The following ZNF540 variants were observed in gnomAD, a reference collection of about 807,000 sequenced individuals.
The protein encoded by ZNF540 is zinc finger protein 540, also known as CTD-3064H18.6.
A neutral mutation model predicts 11.8 loss-of-function variants in ZNF540; 3 were observed. The observed-to-expected ratio is 0.25, with a 90% CI of 0.12 to 0.65. The LOEUF (loss-of-function observed/expected upper bound fraction) is 0.65. Among genes scored for constraint, ZNF540 ranks in the 30% least tolerant of loss-of-function variants. The probability of loss-of-function intolerance (pLI) is 0.83; values close to 1 mark genes in which losing one functional copy is unlikely to be tolerated. For missense variants in ZNF540, 709 were observed against 793.1 expected, an observed-to-expected ratio of 0.89 and a Z score of 1.27; for synonymous variants, 247 against 259.0, an observed-to-expected ratio of 0.95 and a Z score of 0.45.
At chr19:37,590,826 C>T (rs1451097727), upstream of ZNF540, among the ~76,000 whole-genome samples, 1 of 152,014 alleles carries the variant, frequency 6.6e-6, no homozygotes, top group Non-Finnish European at 1.5e-5. Flanking sequence ...AGAGGCATAA[C>T]CAAATGTAAT....
At chr19:37,604,295 A>AATTTTTT (rs1491343746) in intron 4 of ZNF540, among the ~76,000 whole-genome samples, 2 of 33,908 alleles carry the variant, frequency 5.9e-5, no homozygotes, top group East Asian at 1.2e-3. Context: ...AAATAGCCTT[A>AATTTTTT]CTTTTTTTTT....
intron 1 of ZNF540, among the ~76,000 whole-genome samples, chr19:37,556,750 C>A (rs1221827693): frequency 6.6e-6 from 1 of 152,182 alleles, no homozygotes; most frequent in African/African-American, 2.4e-5. Context: ...GGCGCCCTCC[C>A]ATACATGATT....
chr19:37,566,119 C>A, intron 1 of ZNF540: 1 of 1,614,032 alleles, frequency 6.2e-7, no homozygotes, highest in Non-Finnish European at 8.5e-7. Context: ...AAAGCCCTTC[C>A]TGACTTGCTT....
Position 37,564,724 on chromosome 19 carries a change from A to T in ZNF540, c.-73+13059A>T, listed in dbSNP as rs2042783558. On this transcript the variant is annotated intron_variant, in intron 1 of 4. Transcript: ENST00000592533. ...GATGCAGAGTAAGTTCTGAGCCACG[A>T]CTAAAGGCCCTCCCACATTCCTTAC... 2.5e-6 allele frequency: 4 copies of T among 1,613,616 alleles called. No homozygotes were observed. The East Asian group carries it at 8.9e-5, about 36-fold the overall frequency.
At position 37,612,560 on chromosome 19, in the gene ZNF540, G is replaced by A. The variant is rs766545866; in HGVS notation, c.1280G>A (p.Arg427Lys). 1.2e-6 allele frequency: 2 copies of A among 1,614,004 alleles called. No homozygotes were observed. The highest frequency in any genetic ancestry group is 1.7e-5 in the Admixed American group (1 of 60,004). ...GCTTTTAGTTATAGTGGTGACCTCAGAGTACATTCTAGAATTCATACTGGA... is the reference window on the plus strand; with the variant it reads ...GCTTTTAGTTATAGTGGTGACCTCAAAGTACATTCTAGAATTCATACTGGA... Reference protein sequence around the residue: ...EKAFSYSGDLRVHSRIHTGEK... With the variant: ...EKAFSYSGDLKVHSRIHTGEK... Residue 427 changes from arginine (R) to lysine (K), a missense_variant, in exon 5 of 5, where the codon AGA (arginine) becomes AAA (lysine). Coordinates refer to ENST00000316433, the MANE Select transcript of ZNF540 (RefSeq NM_001172225.3).
rs772979678 is a variant in ZNF540 at position 37,599,637 on chromosome 19, G to A, written c.21G>A (p.Thr7=). 5.0e-6 allele frequency: 8 copies of A among 1,613,910 alleles called. No homozygotes were observed. Among genetic ancestry groups the A allele is most frequent in the South Asian group, 3.3e-5 (3 of 91,076 alleles). The part of the protein sequence containing the change: MAHALV[T]FRDVAIDFSQ... ...GTTTATGGTTTCAGGCATTGGTGAC[G>A]TTCAGGGATGTGGCTATAGACTTCT... is the stretch of plus-strand genomic sequence containing the variant. The change falls in exon 3 of 5, where the codon ACG becomes ACA. Residue 7 remains threonine, a synonymous_variant. Transcript: ENST00000316433.
At chr19:37,586,937 C>T (rs1239643771) in intron 1 of ZNF540, 5 of 483,420 alleles carry the variant, frequency 1.0e-5, no homozygotes, top group African/African-American at 1.0e-4. Flanking sequence ...TTGAACAGGA[C>T]CCTAGGTGCT....
At chr19:37,563,026 A>T (rs1426841061) in intron 1 of ZNF540, 1 of 152,188 alleles carries the variant, frequency 6.6e-6, no homozygotes, top group Non-Finnish European at 1.5e-5. Flanking sequence ...AAAATAATAC[A>T]AACCAAAAAT....
At chr19:37,592,822 A>C, upstream of ZNF540, among the ~76,000 whole-genome samples, 1 of 152,246 alleles carries the variant, frequency 6.6e-6, no homozygotes, top group East Asian at 1.9e-4. Flanking sequence ...AATTAGCTAA[A>C]AGCAGTATAC....
At chr19:37,608,558 T>TTCTCATCAAGTG (rs1370353573) in intron 4 of ZNF540, among the ~76,000 whole-genome samples, 2 of 152,172 alleles carry the variant, frequency 1.3e-5, no homozygotes, top group African/African-American at 4.8e-5. Context: ...CATCAAAGTG[T>TTCTCATCAAGTG]TTCTCGCCTT....
In ZNF540 at chr19:37,561,856, A is replaced by G. The variant is rs145340229; in HGVS notation, c.-73+10191A>G. 3.1e-4 allele frequency among the ~76,000 whole-genome samples: 47 copies of G among 152,366 alleles called. No individual in the cohort carries two copies. The East Asian group carries it at 8.1e-3, about 26-fold the overall frequency. ...TCAATTGTTAATGACTGAATAATGA[A>G]GGCATAACTTATCCAATCTGAACAA... is the stretch of plus-strand genomic sequence containing the variant. On this transcript the variant is annotated intron_variant, in intron 1 of 4. Transcript: ENST00000592533.
intron 1 of ZNF540, chr19:37,583,988 C>T (rs553564809): frequency 1.2e-6 from 2 of 1,612,038 alleles, no homozygotes; most frequent in South Asian, 2.2e-5. Context: ...GATCAGGTTG[C>T]TGTAGTTCTC....
upstream of ZNF540, among the ~76,000 whole-genome samples, chr19:37,591,568 G>C (rs573014048): frequency 6.6e-6 from 1 of 152,144 alleles, no homozygotes; most frequent in African/African-American, 2.4e-5. Context: ...TCTTGAGATG[G>C]AGTTTCACTC....
intron 1 of ZNF540, among the ~76,000 whole-genome samples, chr19:37,561,254 T>G (rs978953525): frequency 6.6e-6 from 1 of 151,752 alleles, no homozygotes; most frequent in African/African-American, 2.4e-5. Flanking sequence ...ACAAAACCCT[T>G]ATAAAATTGA....
chr19:37,601,977 T>C (rs1479589293), intron 4 of ZNF540, among the ~76,000 whole-genome samples: 1 of 152,208 alleles, frequency 6.6e-6, no homozygotes, highest in African/African-American at 2.4e-5. Context: ...TTTTAAATGA[T>C]CACTGTAGAT....
chr19:37,552,352 G>A lies in ZNF540; in HGVS notation c.-73+687G>A, dbSNP rs371078209. ...GAAAACACTGCTGCTGCTCTTAGGT[G>A]GACTAGTCTATAAGTATCAATTACA... On this transcript the variant is annotated intron_variant, in intron 1 of 4. Coordinates refer to the ZNF540 transcript ENST00000592533. Among the ~76,000 whole-genome samples, 14 of 152,160 alleles carry A rather than the reference G, an allele frequency of 9.2e-5. No individual in the cohort carries two copies. In the East Asian group the frequency reaches 9.7e-4, roughly 11 times the overall value.
chr19:37,599,627 C>T lies in ZNF540; in HGVS notation c.11C>T (p.Ala4Val), dbSNP rs1292059449. 1.2e-6 allele frequency: 2 copies of T among 1,613,938 alleles called. No homozygotes were observed. The highest frequency in any genetic ancestry group is 4.5e-5 in the East Asian group (2 of 44,850). Residue 4 changes from alanine to valine, a missense_variant and splice_region_variant, in exon 3 of 5, where the codon GCA (alanine) becomes GTA (valine). Transcript: ENST00000316433. ...TAATATGTTGGTTTATGGTTTCAGG[C>T]ATTGGTGACGTTCAGGGATGTGGCT... Reference protein sequence around the residue: MAHALVTFRDVAID... With the variant: MAHVLVTFRDVAID...
chr19:37,591,808 T>C (rs1246715130), upstream of ZNF540, among the ~76,000 whole-genome samples: 1 of 152,076 alleles, frequency 6.6e-6, no homozygotes, highest in Non-Finnish European at 1.5e-5. Context: ...CCTCCCAAAG[T>C]GTTGGGATTA....
At chr19:37,553,544 T>G (rs1035931191) in intron 1 of ZNF540, among the ~76,000 whole-genome samples, 5 of 152,206 alleles carry the variant, frequency 3.3e-5, no homozygotes, top group African/African-American at 1.2e-4. Flanking sequence ...CTCTTATCTA[T>G]CCTTAATTCT....
Sources: allele counts gnomAD v4.1 joint callset (sites outside exome capture counted in the v4.1 genomes callset), GRCh38; gene constraint gnomAD v4.1.1; transcripts MANE v1.5; gene names NCBI Gene and HGNC (gene_info 2026-07-23, HGNC 2026-07-21).